The following GSE1 variants were observed in gnomAD, a reference collection of about 807,000 sequenced individuals.
GSE1 encodes Gse1 coiled-coil protein.
GSE1 carries 32 observed loss-of-function variants against 112.6 expected under a neutral mutation model. The ratio of observed to expected loss-of-function variants is 0.28; its 90% CI spans 0.21 to 0.38. GSE1 has a LOEUF of 0.38. GSE1 is among the 10% of genes least tolerant of loss of function. The pLI is 1.00. For synonymous variants in GSE1, 1,115 were observed against 735.6 expected, an observed-to-expected ratio of 1.52 and a Z score of -8.35; for missense variants, 2,348 against 1,699.2, an observed-to-expected ratio of 1.38 and a Z score of -6.71.
At chr16:85,214,503 G>T (rs1236181567) in intron 1 of GSE1, among the ~76,000 whole-genome samples, 1 of 152,150 alleles carries the variant, frequency 6.6e-6, no homozygotes, top group African/African-American at 2.4e-5. Context: ...GCAGGGAGGA[G>T]TCGGCCCCGG....
rs747095067 is a variant in GSE1, at chr16:85,411,778, CT to C, written c.2464+54136del. Among the ~76,000 whole-genome samples the C allele has an allele frequency of 6.8e-3, 99 of 14,534 alleles. 4 individuals are homozygous for C. The highest frequency in any genetic ancestry group is 0.083 in the Middle Eastern group (1 of 12). The allele number at this position is 14,534 out of a possible 152,430, so 9.5% of individuals were successfully genotyped here. On this transcript the variant is annotated intron_variant, in intron 2 of 2. Coordinates refer to the GSE1 transcript ENST00000637419. ...CCTCACCGTTACACTCAGGGCCCCC[CT>C]GGATAATCCTCACTGTTACACTCAG...
At chr16:85,512,630 AG>A (rs2051786310) in intron 2 of GSE1, among the ~76,000 whole-genome samples, 1 of 152,142 alleles carries the variant, frequency 6.6e-6, no homozygotes, top group South Asian at 2.1e-4. Context: ...AGTAGCTGTA[AG>A]AGCTACTTTA....
chr16:85,313,004 C>T (rs1459345912), intron 1 of GSE1, among the ~76,000 whole-genome samples: 1 of 151,214 alleles, frequency 6.6e-6, no homozygotes, highest in Admixed American at 6.6e-5. Context: ...CTGGAGCGGG[C>T]AGCCTCCCTG....
chr16:85,360,603 AGCTGTGCACTGC>A (rs2047047066), intron 2 of GSE1, among the ~76,000 whole-genome samples: 1 of 152,078 alleles, frequency 6.6e-6, no homozygotes. Context: ...TCCCGGGCCC[AGCTGTGCACTGC>A]CAGCTGGGCG....
At chr16:85,426,068 T>TGGATGGATGGAA (rs1567477078) in intron 2 of GSE1, among the ~76,000 whole-genome samples, 1 of 129,362 alleles carries the variant, frequency 7.7e-6, no homozygotes, top group African/African-American at 2.9e-5. Flanking sequence ...GATGGATGGA[T>TGGATGGATGGAA]GGATGGGTAG....
chr16:85,450,900 CCT>C (rs1233571552), intron 2 of GSE1, among the ~76,000 whole-genome samples: 2 of 152,094 alleles, frequency 1.3e-5, no homozygotes, highest in South Asian at 2.1e-4. Flanking sequence ...CCCCCTGCCC[CCT>C]GTCTCTACTA....
At chr16:85,463,004 C>G (rs1338683228) in intron 2 of GSE1, 2 of 641,454 alleles carry the variant, frequency 3.1e-6, no homozygotes, top group East Asian at 1.4e-4. Flanking sequence ...GACGCCCCTA[C>G]TGCTCGCCTC....
chr16:85,294,810 G>T (rs903419345), intron 1 of GSE1, among the ~76,000 whole-genome samples: 5 of 152,010 alleles, frequency 3.3e-5, no homozygotes, highest in African/African-American at 4.8e-5. Flanking sequence ...GAGAGAAGGG[G>T]TGGGGATCTC....
chr16:85,653,381 C>A (rs1350584069), intron 3 of GSE1, among the ~76,000 whole-genome samples: 1 of 140,630 alleles, frequency 7.1e-6, no homozygotes, highest in Non-Finnish European at 1.5e-5. Context: ...TCTGGTTTCT[C>A]CGGGCTGGAC....
intron 1 of GSE1, among the ~76,000 whole-genome samples, chr16:85,338,640 G>T (rs999864004): frequency 6.6e-6 from 1 of 152,154 alleles, no homozygotes; most frequent in African/African-American, 2.4e-5. Context: ...AATCAGCTAG[G>T]TTTTATCCAG....
At chr16:85,191,755 C>T (rs927588333) in intron 1 of GSE1, among the ~76,000 whole-genome samples, 16 of 152,288 alleles carry the variant, frequency 1.1e-4, no homozygotes, top group African/African-American at 2.2e-4. Flanking sequence ...CGAGAGTAAA[C>T]GCCCCGGGTG....
chr16:85,399,074 CATGTGT>C (rs1257228061), intron 2 of GSE1, among the ~76,000 whole-genome samples: 9 of 152,086 alleles, frequency 5.9e-5, no homozygotes, highest in South Asian at 2.1e-4. Context: ...ATTACATGCA[CATGTGT>C]ATGTGTATGT....
intron 2 of GSE1, among the ~76,000 whole-genome samples, chr16:85,385,352 C>A (rs911891919): frequency 6.6e-6 from 1 of 152,228 alleles, no homozygotes; most frequent in Admixed American, 6.5e-5. Flanking sequence ...GAGGCCAGGG[C>A]TCCCAGAAGA....
In GSE1 at chr16:85,613,416, G is replaced by A; in HGVS notation, c.7+18G>A. 3 of 1,550,100 alleles carry A rather than the reference G, an allele frequency of 1.9e-6. No individual in the cohort carries two copies. Among genetic ancestry groups the A allele is most frequent in the Non-Finnish European group, 2.6e-6 (3 of 1,147,350 alleles). On this transcript the variant is annotated intron_variant, in intron 1 of 15. Coordinates refer to ENST00000253458, the MANE Select transcript of GSE1 (RefSeq NM_014615.5). ...CATGAAAGGTGAGCGCGCCGCACCC[G>A]GCCGGGGACGGGGTCCTCCCCCCTC... is the stretch of plus-strand genomic sequence containing the variant.
chr16:85,398,554 T>C (rs1019999700), intron 2 of GSE1, among the ~76,000 whole-genome samples: 114 of 152,244 alleles, frequency 7.5e-4, no homozygotes, highest in African/African-American at 2.7e-3. Context: ...GTGGGAGAAC[T>C]GCCTAGGACA....
chr16:85,391,606 C>T (rs1299091457), intron 2 of GSE1, among the ~76,000 whole-genome samples: 5 of 152,194 alleles, frequency 3.3e-5, no homozygotes, highest in African/African-American at 9.7e-5. Flanking sequence ...GTCCCAATTC[C>T]CCTCTTTTTA....
intron 2 of GSE1, among the ~76,000 whole-genome samples, chr16:85,639,620 G>T (rs778314884): frequency 2.6e-5 from 4 of 152,252 alleles, no homozygotes; most frequent in African/African-American, 7.2e-5. Flanking sequence ...ACGCCTGTGC[G>T]TGGAGCCAGG....
rs144032938 is a variant in GSE1 at position 85,263,940 on chromosome 16, C to T, written c.2283+92133C>T. 1.8e-3 allele frequency among the ~76,000 whole-genome samples: 280 copies of T among 152,196 alleles called. 4 individuals carry two copies. The highest frequency in any genetic ancestry group is 6.4e-3 in the African/African-American group (264 of 41,532). On this transcript the variant is annotated intron_variant, in intron 1 of 2. Transcript: ENST00000637419. ...GTCCTGGCCTCACAGAGCTGCTGGT[C>T]GGCAGGGTGGACAGACAGAGCTTAG...
At position 85,634,024 on chromosome 16, in the gene GSE1, C is replaced by G; in HGVS notation, c.118C>G (p.Pro40Ala). 7 of 1,611,534 alleles carry G rather than the reference C, an allele frequency of 4.3e-6. No individual in the cohort carries two copies. The highest frequency in any genetic ancestry group is 5.9e-6 in the Non-Finnish European group (7 of 1,179,040). ...CTCGCCGCTCAATGGCGCCCTGGTG[C>G]CCAGCGGCAGCCCCGCCACCAGCAG... Reference protein sequence around the residue: ...TPSPLNGALVPSGSPATSSAL... With the variant: ...TPSPLNGALVASGSPATSSAL... The change falls in exon 2 of 16, where the codon CCC becomes GCC. Residue 40 changes from proline to alanine, a missense_variant. Transcript: ENST00000253458.
Sources: gnomAD v4.1 joint callset for allele counts (sites outside exome capture counted in the v4.1 genomes callset) on GRCh38, gnomAD v4.1.1 for gene constraint, MANE v1.5 for transcripts, NCBI Gene and HGNC (gene_info 2026-07-23, HGNC 2026-07-21) for gene names.